CSMD1: variants seen among roughly 807,000 people sequenced by gnomAD.
CSMD1 encodes CUB and Sushi multiple domains 1, also known as CUB and sushi domain-containing protein 1.
Under a neutral mutation model 417.5 loss-of-function variants are expected in CSMD1, and 213 were observed. That is an observed-to-expected ratio of 0.51 (90% confidence interval 0.46 to 0.57). The LOEUF (loss-of-function observed/expected upper bound fraction) is 0.57, where lower values mean the gene tolerates loss of function less well. Ranked by LOEUF, CSMD1 falls within the 20% of genes least tolerant of loss-of-function variation. The probability of loss-of-function intolerance (pLI) is 0.00; values close to 1 mark genes in which losing one functional copy is unlikely to be tolerated. For missense variants in CSMD1, 6,923 were observed against 4,529.7 expected (o/e 1.53, Z -15.17); for synonymous variants, 2,862 against 1,736.8 (o/e 1.65, Z -16.11).
intron 3 of CSMD1, among the ~76,000 whole-genome samples, chr8:4,181,498 T>A (rs1798373242): frequency 6.6e-6 from 1 of 152,140 alleles, no homozygotes; most frequent in South Asian, 2.1e-4. Flanking sequence ...TGATGAGCTT[T>A]AAAAAAATCA....
intron 2 of CSMD1, among the ~76,000 whole-genome samples, chr8:4,447,142 A>G (rs1305270983): frequency 1.3e-5 from 2 of 152,184 alleles, no homozygotes; most frequent in African/African-American, 4.8e-5. Flanking sequence ...AATGTTAAAG[A>G]CAAACAACAT....
intron 3 of CSMD1, among the ~76,000 whole-genome samples, chr8:4,263,301 C>T (rs1267023538): frequency 6.6e-6 from 1 of 152,120 alleles, no homozygotes; most frequent in Admixed American, 6.6e-5. Context: ...TACAGATTTA[C>T]TCCTCCCACC....
rs963283932 is a variant in CSMD1, at chr8:4,096,335, T to C, written c.416-64236A>G. ...GTCTGCAGAGGAAACAACCCAGAAA[T>C]AGGACAGCTTGGATTTCCATATGGG... On this transcript the variant is annotated intron_variant, in intron 3 of 69. Coordinates refer to ENST00000635120, the MANE Select transcript of CSMD1 (RefSeq NM_033225.6). Among the ~76,000 whole-genome samples, 6 of 151,480 alleles carry C rather than the reference T, an allele frequency of 4.0e-5. No homozygotes were observed. In the South Asian group the frequency reaches 6.2e-4, roughly 16 times the overall value.
At chr8:4,307,941 C>T (rs981334995) in intron 3 of CSMD1, among the ~76,000 whole-genome samples, 3 of 152,078 alleles carry the variant, frequency 2.0e-5, no homozygotes, top group Non-Finnish European at 4.4e-5. Flanking sequence ...CAAGGGTCTT[C>T]GGTGTAACAG....
rs142027937 is a variant in CSMD1, at chr8:3,061,272, C to G, written c.7475-8625G>C. Among the ~76,000 whole-genome samples the G allele has an allele frequency of 2.3e-3, 357 of 152,246 alleles. 1 individual carries two copies. Among genetic ancestry groups the G allele is most frequent in the African/African-American group, 8.3e-3 (343 of 41,560 alleles). ...GTTTACAAAGCAAAACATCTGGACC[C>G]TACTAGGCCAGCAGCAAATAGTCAC... On this transcript the variant is annotated intron_variant, in intron 49 of 69. Coordinates refer to ENST00000635120, the MANE Select transcript of CSMD1 (RefSeq NM_033225.6).
chr8:4,173,211 C>T (rs182956935), intron 3 of CSMD1, among the ~76,000 whole-genome samples: 6 of 152,192 alleles, frequency 3.9e-5, no homozygotes, highest in Admixed American at 2.0e-4. Flanking sequence ...TTCAGATAAA[C>T]GACCAATAAC....
chr8:3,844,492 G>T (rs563208505), intron 5 of CSMD1, among the ~76,000 whole-genome samples: 1 of 152,134 alleles, frequency 6.6e-6, no homozygotes, highest in Non-Finnish European at 1.5e-5. Flanking sequence ...AATCTCTTTG[G>T]TAATGTGACT....
At chr8:3,558,269 TCCA>T (rs1341013756) in intron 10 of CSMD1, among the ~76,000 whole-genome samples, 3 of 150,680 alleles carry the variant, frequency 2.0e-5, no homozygotes, top group Non-Finnish European at 3.0e-5. Flanking sequence ...TGTCCACTCC[TCCA>T]GTGATGAATG....
At chr8:4,583,905 G>C (rs1352434358) in intron 2 of CSMD1, among the ~76,000 whole-genome samples, 2 of 152,116 alleles carry the variant, frequency 1.3e-5, no homozygotes, top group South Asian at 2.1e-4. Context: ...CTCACTCTTT[G>C]GGTCCACACT....
At chr8:3,584,541 G>A (rs1800518308) in intron 9 of CSMD1, among the ~76,000 whole-genome samples, 1 of 152,136 alleles carries the variant, frequency 6.6e-6, no homozygotes, top group South Asian at 2.1e-4. Flanking sequence ...ACCTCTGAGT[G>A]TGTGATATCT....
At chr8:3,493,407 T>C (rs1796218729) in intron 11 of CSMD1, among the ~76,000 whole-genome samples, 2 of 152,044 alleles carry the variant, frequency 1.3e-5, no homozygotes, top group Admixed American at 6.6e-5. Context: ...TTTTTAATAA[T>C]TGAAGAAAAA....
At chr8:4,556,991 G>A (rs1181161693) in intron 2 of CSMD1, among the ~76,000 whole-genome samples, 4 of 152,122 alleles carry the variant, frequency 2.6e-5, no homozygotes, top group Non-Finnish European at 5.9e-5. Context: ...TGTGCATTCT[G>A]AATTTCTAAA....
At chr8:4,269,610 A>G (rs2128850028) in intron 3 of CSMD1, among the ~76,000 whole-genome samples, 1 of 152,122 alleles carries the variant, frequency 6.6e-6, no homozygotes, top group East Asian at 1.9e-4. Flanking sequence ...GTTTAACCTC[A>G]TTTTTTATAC....
intron 2 of CSMD1, among the ~76,000 whole-genome samples, chr8:4,617,699 T>A (rs191973034): frequency 6.6e-5 from 10 of 152,272 alleles, no homozygotes; most frequent in African/African-American, 2.4e-4. Flanking sequence ...AGTGAATCTG[T>A]TCTTCATCAC....
chr8:4,207,021 C>T (rs924837667), intron 3 of CSMD1, among the ~76,000 whole-genome samples: 1 of 152,038 alleles, frequency 6.6e-6, no homozygotes, highest in Non-Finnish European at 1.5e-5. Context: ...ATCACATATT[C>T]CTCTTTAAAT....
rs1814964174 is a variant in CSMD1 at position 3,091,737 on chromosome 8, G to A, written c.7139-75C>T. ...CAAATGCATACTAGGTTTAGCTTTT[G>A]ATTACACTGGAGTCTACGTGTGCAA... On this transcript the variant is annotated intron_variant, in intron 47 of 69. Coordinates refer to ENST00000635120, the MANE Select transcript of CSMD1 (RefSeq NM_033225.6). 11 of 1,350,226 alleles carry A rather than the reference G, an allele frequency of 8.1e-6. No individual in the cohort carries two copies. In the South Asian group the frequency reaches 1.2e-4, roughly 15 times the overall value. The allele number at this position is 1,350,226 out of a possible 1,614,324, so 83.6% of individuals were successfully genotyped here.
rs1317009143 is a variant in CSMD1 at position 4,398,385 on chromosome 8, C to CTTTTTTTTTTTTTTTTTTTTTTTTTTTT, written c.415+21567_415+21568insAAAAAAAAAAAAAAAAAAAAAAAAAAAA. Among the ~76,000 whole-genome samples the CTTTTTTTTTTTTTTTTTTTTTTTTTTTT allele has an allele frequency of 3.4e-5, 4 of 118,134 alleles. 1 individual carries two copies. Among genetic ancestry groups the CTTTTTTTTTTTTTTTTTTTTTTTTTTTT allele is most frequent in the South Asian group, 2.8e-4 (1 of 3,596 alleles). The allele number at this position is 118,134 out of a possible 152,430, so 77.5% of individuals were successfully genotyped here. On this transcript the variant is annotated intron_variant, in intron 3 of 69. Transcript: ENST00000635120. ...CTCTTTTTAAATTGTCTTGCTGCAA[C>CTTTTTTTTTTTTTTTTTTTTTTTTTTTT]TTCTTTTTTTTTTTTTTTTTTTTGT...
At chr8:4,308,610 G>C (rs1257435132) in intron 3 of CSMD1, among the ~76,000 whole-genome samples, 2 of 152,140 alleles carry the variant, frequency 1.3e-5, no homozygotes, top group Non-Finnish European at 2.9e-5. Context: ...GAGAGAATTT[G>C]TTAAGCCTGC....
At chr8:4,742,942 T>C (rs1294579744) in intron 1 of CSMD1, among the ~76,000 whole-genome samples, 2 of 152,178 alleles carry the variant, frequency 1.3e-5, no homozygotes, top group African/African-American at 2.4e-5. Context: ...GTATAAATGA[T>C]ACCAAAAGTG....
Sources: gnomAD v4.1 joint callset for allele counts (sites outside exome capture counted in the v4.1 genomes callset) on GRCh38, gnomAD v4.1.1 for gene constraint, MANE v1.5 for transcripts, NCBI Gene and HGNC (gene_info 2026-07-23, HGNC 2026-07-21) for gene names.